Variants in PLCG2 observed in about 807,000 individuals in gnomAD.
The protein encoded by PLCG2 is 1-phosphatidylinositol 4,5-bisphosphate phosphodiesterase gamma-2.
In PLCG2, 69 loss-of-function variants were observed where a neutral mutation model predicts 175.6. That is an observed-to-expected ratio of 0.39 (90% confidence interval 0.32 to 0.48). The LOEUF is 0.48. Among genes scored for constraint, PLCG2 ranks in the 20% least tolerant of loss-of-function variants. PLCG2 has a pLI of 0.91. For missense variants in PLCG2, 1,798 were observed against 1,650.9 expected, an observed-to-expected ratio of 1.09 and a Z score of -1.54; for synonymous variants, 827 against 624.0, an observed-to-expected ratio of 1.33 and a Z score of -4.85.
intron 19 of PLCG2, among the ~76,000 whole-genome samples, chr16:81,917,626 C>G (rs1180991765): frequency 6.6e-6 from 1 of 152,196 alleles, no homozygotes; most frequent in South Asian, 2.1e-4. Context: ...TTGCATTTAT[C>G]TGATGATTAG....
At chr16:81,821,047 A>T (rs891028256) in intron 2 of PLCG2, among the ~76,000 whole-genome samples, 1 of 151,662 alleles carries the variant, frequency 6.6e-6, no homozygotes, top group Non-Finnish European at 1.5e-5. Flanking sequence ...GCACACCATC[A>T]TGCCTGGCTA....
intron 9 of PLCG2, among the ~76,000 whole-genome samples, chr16:81,887,302 G>C (rs1470311320): frequency 2.6e-5 from 4 of 151,978 alleles, no homozygotes; most frequent in Non-Finnish European, 5.9e-5. Flanking sequence ...TGTGTTTTTA[G>C]TAGAGACGGG....
At chr16:81,861,040 A>T (rs1020736488) in intron 5 of PLCG2, among the ~76,000 whole-genome samples, 1 of 151,968 alleles carries the variant, frequency 6.6e-6, no homozygotes, top group Non-Finnish European at 1.5e-5. Context: ...ACAAGAAAAA[A>T]CCAAAAAAAC....
intron 1 of PLCG2, 116 bp from the exon 2 acceptor site, chr16:81,785,827 C>T (rs1597317317): frequency 3.1e-6 from 2 of 648,628 alleles, no homozygotes; most frequent in South Asian, 1.9e-5. Context: ...AGAACCTTCT[C>T]CTAAAACTCA....
chr16:81,831,702 C>A (rs1905265459), intron 2 of PLCG2, among the ~76,000 whole-genome samples: 1 of 152,130 alleles, frequency 6.6e-6, no homozygotes, highest in African/African-American at 2.4e-5. Flanking sequence ...GGAACTTAGG[C>A]CAGAAGTGCC....
chr16:81,959,381 T>C lies in PLCG2; in HGVS notation c.*1383T>C, dbSNP rs970988082. On this transcript the variant is annotated 3_prime_UTR_variant, in exon 33 of 33. Transcript: ENST00000564138. ...GGCTCTGACCAGAAGATCCTTCTGGTCCCTTCACTCTACAAAAACTTACTG... is the reference window on the plus strand; with the variant it reads ...GGCTCTGACCAGAAGATCCTTCTGGCCCCTTCACTCTACAAAAACTTACTG... 1.8e-5 allele frequency: 4 copies of C among 221,986 alleles called. No homozygotes were observed. Among genetic ancestry groups the C allele is most frequent in the Non-Finnish European group, 3.6e-5 (4 of 111,010 alleles). 13.8% of individuals were successfully genotyped at this position (221,986 alleles called of 1,614,324 possible). A position where few individuals can be genotyped will look rare whatever the true frequency, so the allele number is the denominator to read the frequency against.
chr16:81,777,718 A>T (rs1910459219), upstream of PLCG2, among the ~76,000 whole-genome samples: 1 of 152,028 alleles, frequency 6.6e-6, no homozygotes, highest in African/African-American at 2.4e-5. Flanking sequence ...TTCCTCAATT[A>T]AAAAACGCTA....
At position 81,848,974 on chromosome 16, in the gene PLCG2, A is replaced by G. The variant is rs1906262284; in HGVS notation, c.194-5470A>G. Among the ~76,000 whole-genome samples the G allele has an allele frequency of 2.6e-5, 4 of 152,172 alleles. No homozygotes were observed. The South Asian group carries it at 8.3e-4, about 32-fold the overall frequency. On this transcript the variant is annotated intron_variant, in intron 2 of 32. Coordinates refer to ENST00000564138, the MANE Select transcript of PLCG2 (RefSeq NM_002661.5). ...GCTTGGCACTAACCAGACTAAGAAC[A>G]TTTTCAGTGGTGCCAACAACACCAC...
intron 2 of PLCG2, among the ~76,000 whole-genome samples, chr16:81,771,844 C>A (rs747735572): frequency 6.6e-6 from 1 of 152,116 alleles, no homozygotes; most frequent in African/African-American, 2.4e-5. Context: ...AGTGCCAGGG[C>A]AGGATCTCCG....
At chr16:81,877,695 T>C (rs1907868461) in intron 7 of PLCG2, among the ~76,000 whole-genome samples, 1 of 152,170 alleles carries the variant, frequency 6.6e-6, no homozygotes, top group Admixed American at 6.5e-5. Context: ...GGTGTGTAGA[T>C]GGCATTGCTC....
At chr16:81,770,785 G>A (rs1176784341) in intron 2 of PLCG2, among the ~76,000 whole-genome samples, 6 of 152,114 alleles carry the variant, frequency 3.9e-5, no homozygotes, top group Admixed American at 6.6e-5. Context: ...CAGGCCGGGC[G>A]CGGTGGCTCA....
intron 9 of PLCG2, among the ~76,000 whole-genome samples, chr16:81,884,196 CA>C (rs1908237409): frequency 1.3e-5 from 2 of 152,096 alleles, no homozygotes; most frequent in Non-Finnish European, 2.9e-5. Flanking sequence ...ACTAAAAATA[CA>C]AAAATTAGGC....
At position 81,781,924 on chromosome 16, in the gene PLCG2, T is replaced by G. The variant is rs184445159; in HGVS notation, c.-48+2500T>G. Among the ~76,000 whole-genome samples, 1,055 of 139,098 alleles carry G rather than the reference T, an allele frequency of 7.6e-3. 10 individuals carry two copies. The highest frequency in any genetic ancestry group is 0.026 in the African/African-American group (973 of 37,986). 91.3% of individuals were successfully genotyped at this position (139,098 alleles called of 152,430 possible). ...TCTTGCTCTGTCGCCCAGGCTGGAG[T>G]GCAGTGGCGCGATCTCGGCTCACTG... On this transcript the variant is annotated intron_variant, in intron 1 of 32. Transcript: ENST00000564138.
chr16:81,764,365 A>G (rs1468743099), intron 2 of PLCG2, among the ~76,000 whole-genome samples: 4 of 152,184 alleles, frequency 2.6e-5, no homozygotes, highest in African/African-American at 9.7e-5. Flanking sequence ...AAGGAAAGGA[A>G]ACCTGGACCC....
chr16:81,780,830 C>G (rs1344779237), intron 1 of PLCG2, among the ~76,000 whole-genome samples: 6 of 152,182 alleles, frequency 3.9e-5, no homozygotes, highest in Non-Finnish European at 7.4e-5. Context: ...CGTTCCAGAC[C>G]AGCCTCACCA....
At chr16:81,794,141 C>T (rs1055947901) in intron 2 of PLCG2, among the ~76,000 whole-genome samples, 11 of 152,012 alleles carry the variant, frequency 7.2e-5, no homozygotes, top group South Asian at 4.1e-4. Context: ...CTAGAGGCGC[C>T]GGATTTGTGG....
At chr16:81,836,339 A>G (rs1481823452) in intron 2 of PLCG2, among the ~76,000 whole-genome samples, 1 of 152,206 alleles carries the variant, frequency 6.6e-6, no homozygotes, top group Non-Finnish European at 1.5e-5. Flanking sequence ...CGTGTCAGCC[A>G]TGGACTCGTA....
intron 2 of PLCG2, among the ~76,000 whole-genome samples, chr16:81,837,262 C>G (rs1282277087): frequency 6.6e-6 from 1 of 152,240 alleles, no homozygotes; most frequent in African/African-American, 2.4e-5. Flanking sequence ...TCTGCATTTA[C>G]TCTTCTGCCA....
chr16:81,865,352 GAC>G (rs1907176767), intron 5 of PLCG2, among the ~76,000 whole-genome samples: 2 of 152,208 alleles, frequency 1.3e-5, no homozygotes, highest in East Asian at 1.9e-4. Context: ...TGTGCAGCAC[GAC>G]ACACACACAT....
Sources: gnomAD v4.1 joint callset for allele counts (sites outside exome capture counted in the v4.1 genomes callset) on GRCh38, gnomAD v4.1.1 for gene constraint, MANE v1.5 for transcripts, NCBI Gene and HGNC (gene_info 2026-07-23, HGNC 2026-07-21) for gene names.